The following PTPRG variants were observed in gnomAD, a reference collection of about 807,000 sequenced individuals.
PTPRG encodes receptor-type tyrosine-protein phosphatase gamma.
Under a neutral mutation model 165.3 loss-of-function variants are expected in PTPRG, and 102 were observed. The ratio of observed to expected loss-of-function variants is 0.62; its 90% CI spans 0.53 to 0.73. The LOEUF (loss-of-function observed/expected upper bound fraction) is 0.73. PTPRG is among the 30% of genes least tolerant of loss of function. The pLI is 0.00. For missense variants in PTPRG, 1,866 were observed against 1,861.4 expected (o/e 1.00, Z -0.05); for synonymous variants, 675 against 669.5 (o/e 1.01, Z -0.13).
intron 1 of PTPRG, chr3:61,743,063 C>A: frequency 1.3e-6 from 2 of 1,591,958 alleles, no homozygotes; most frequent in Non-Finnish European, 1.7e-6. Context: ...TGCAGGACTT[C>A]CCGCACCGCC....
rs375013194 is a variant in PTPRG, at chr3:61,587,024, TG to T, written c.85+24657del. 7.8e-4 allele frequency among the ~76,000 whole-genome samples: 119 copies of T among 152,226 alleles called. 2 individuals are homozygous for T. In the South Asian group the frequency reaches 0.023, roughly 29 times the overall value. On this transcript the variant is annotated intron_variant, in intron 1 of 29. Transcript: ENST00000474889. Reference sequence around the variant, plus strand: ...TTGCAGGGGCCACTGTTACGGGGGATGGGGGTAGTGTTCTGACTCCTTTTTA... The same window carrying T: ...TTGCAGGGGCCACTGTTACGGGGGATGGGGTAGTGTTCTGACTCCTTTTTA...
intron 4 of PTPRG, among the ~76,000 whole-genome samples, chr3:62,062,002 A>G (rs1347205691): frequency 6.6e-6 from 1 of 151,068 alleles, no homozygotes; most frequent in East Asian, 2.0e-4. Context: ...ATTTTTCGTT[A>G]CAATTTAGTA....
At chr3:62,128,413 T>C (rs1033312099) in intron 5 of PTPRG, among the ~76,000 whole-genome samples, 1 of 152,130 alleles carries the variant, frequency 6.6e-6, no homozygotes, top group Non-Finnish European at 1.5e-5. Flanking sequence ...AAGTAAAACA[T>C]AAATTTGGAT....
intron 2 of PTPRG, chr3:61,749,518 C>T (rs1022590764): frequency 4.9e-6 from 1 of 202,758 alleles, no homozygotes; most frequent in Non-Finnish European, 1.0e-5. Context: ...CCCTTTTGAG[C>T]TAATGAAGGG....
chr3:62,112,251 C>T (rs549451467), intron 5 of PTPRG, among the ~76,000 whole-genome samples: 1 of 152,068 alleles, frequency 6.6e-6, no homozygotes, highest in Non-Finnish European at 1.5e-5. Flanking sequence ...ATTACAGGCA[C>T]GCACCACCAT....
intron 1 of PTPRG, among the ~76,000 whole-genome samples, chr3:61,656,163 T>G (rs147522957): frequency 2.0e-5 from 3 of 152,024 alleles, no homozygotes; most frequent in Non-Finnish European, 4.4e-5. Flanking sequence ...ACCCAGGAGT[T>G]TGAAGCTGCA....
At chr3:61,755,466 A>C (rs1199384038) in intron 2 of PTPRG, among the ~76,000 whole-genome samples, 1 of 152,180 alleles carries the variant, frequency 6.6e-6, no homozygotes, top group Non-Finnish European at 1.5e-5. Context: ...TTTATTTTTA[A>C]AATTAATGTT....
intron 26 of PTPRG, among the ~76,000 whole-genome samples, chr3:62,279,541 A>G (rs2148885389): frequency 6.6e-6 from 1 of 152,170 alleles, no homozygotes; most frequent in African/African-American, 2.4e-5. Context: ...CATAAATCCT[A>G]TGCTTAATCT....
intron 8 of PTPRG, 28 bp downstream of exon 8, chr3:62,168,191 G>C (rs1221625084): frequency 3.2e-6 from 5 of 1,558,642 alleles, no homozygotes; most frequent in Admixed American, 1.9e-5. Context: ...GCCTTGCCCA[G>C]AGGAAGATTC....
At position 61,891,906 on chromosome 3, in the gene PTPRG, C is replaced by CT. The variant is rs1201328370; in HGVS notation, c.191-97708dup. ...GTGTGATTTCACTAAGTTTTCTTTT[C>CT]TTTTTTTTTTTCAGTAAATTAATAC... On this transcript the variant is annotated intron_variant, in intron 2 of 29. Coordinates refer to ENST00000474889, the MANE Select transcript of PTPRG (RefSeq NM_002841.4). 2.0e-3 allele frequency among the ~76,000 whole-genome samples: 275 copies of CT among 138,008 alleles called. 2 individuals are homozygous for CT. The highest frequency in any genetic ancestry group is 4.7e-3 in the African/African-American group (176 of 37,638). The allele number at this position is 138,008 out of a possible 152,430, so 90.5% of individuals were successfully genotyped here.
chr3:62,001,214 A>G (rs985894900), intron 3 of PTPRG, among the ~76,000 whole-genome samples: 5 of 152,236 alleles, frequency 3.3e-5, no homozygotes, highest in African/African-American at 1.2e-4. Flanking sequence ...GGGTGGGTGG[A>G]CATGTAACAT....
intron 12 of PTPRG, among the ~76,000 whole-genome samples, chr3:62,216,753 C>G (rs1294309763): frequency 6.6e-6 from 1 of 152,180 alleles, no homozygotes; most frequent in African/African-American, 2.4e-5. Flanking sequence ...CGACTAAATT[C>G]AGTTTCTTTA....
intron 4 of PTPRG, among the ~76,000 whole-genome samples, chr3:62,052,213 T>G (rs1700490345): frequency 6.6e-6 from 1 of 152,234 alleles, no homozygotes; most frequent in African/African-American, 2.4e-5. Context: ...TACTTTAAAA[T>G]GATGTTTCTT....
rs536173882 is a variant in PTPRG at position 61,839,864 on chromosome 3, G to A, written c.190+90882G>A. On this transcript the variant is annotated intron_variant, in intron 2 of 29. Coordinates refer to ENST00000474889, the MANE Select transcript of PTPRG (RefSeq NM_002841.4). ...CGTTGCCTACACAGCATTTTTTGTCGTTATAAAGCTCACACCCTTCAATGC... is the reference window on the plus strand; with the variant it reads ...CGTTGCCTACACAGCATTTTTTGTCATTATAAAGCTCACACCCTTCAATGC... 6.2e-4 allele frequency among the ~76,000 whole-genome samples: 94 copies of A among 151,910 alleles called. 1 individual carries two copies. The highest frequency in any genetic ancestry group is 1.1e-3 in the Non-Finnish European group (74 of 67,988).
At chr3:61,563,244 CT>C (rs1699813325) in intron 1 of PTPRG, among the ~76,000 whole-genome samples, 1 of 152,166 alleles carries the variant, frequency 6.6e-6, no homozygotes. Flanking sequence ...CATCTTTGCC[CT>C]TTTGCAGGCT....
Position 62,113,201 on chromosome 3 carries a change from A to G in PTPRG, c.616-19401A>G, listed in dbSNP as rs73840212. ...ATCTCCTGACCCCATCCAGCTCCAC[A>G]TGGGAGGAGAAGTAGATTAAAGATT... On this transcript the variant is annotated intron_variant, in intron 5 of 29. Transcript: ENST00000474889. Among the ~76,000 whole-genome samples the G allele has an allele frequency of 1.9e-3, 295 of 152,212 alleles. 2 individuals are homozygous for G. Among genetic ancestry groups the G allele is most frequent in the African/African-American group, 6.9e-3 (287 of 41,522 alleles).
At chr3:61,914,210 T>A (rs1454883463) in intron 2 of PTPRG, among the ~76,000 whole-genome samples, 10 of 152,220 alleles carry the variant, frequency 6.6e-5, no homozygotes, top group Admixed American at 6.5e-4. Flanking sequence ...GACCTACGTT[T>A]CCTGTTTGGA....
intron 1 of PTPRG, among the ~76,000 whole-genome samples, chr3:61,673,145 G>C (rs1703093156): frequency 6.6e-6 from 1 of 152,092 alleles, no homozygotes; most frequent in Admixed American, 6.5e-5. Flanking sequence ...CTAGGCAACA[G>C]AGCGATACTC....
intron 1 of PTPRG, among the ~76,000 whole-genome samples, chr3:61,597,326 G>A (rs1241871636): frequency 1.3e-5 from 2 of 152,104 alleles, no homozygotes; most frequent in South Asian, 2.1e-4. Context: ...AGGACTCCCT[G>A]TGGATACCAA....
Sources: allele counts gnomAD v4.1 joint callset (sites outside exome capture counted in the v4.1 genomes callset), GRCh38; gene constraint gnomAD v4.1.1; transcripts MANE v1.5; gene names NCBI Gene and HGNC (gene_info 2026-07-23, HGNC 2026-07-21).